BARX2: variants seen among roughly 807,000 people sequenced by gnomAD.
The protein encoded by BARX2 is BARX homeobox 2.
In BARX2, 11 loss-of-function variants were observed where a neutral mutation model predicts 25.5. The ratio of observed to expected loss-of-function variants is 0.43; its 90% CI spans 0.27 to 0.71. BARX2 has a LOEUF of 0.71. Among genes scored for constraint, BARX2 ranks in the 30% least tolerant of loss-of-function variants. The pLI is 0.19. For missense variants in BARX2, 360 were observed against 359.9 expected (o/e 1.00, Z 0.00); for synonymous variants, 137 against 149.5 (o/e 0.92, Z 0.61).
At chr11:129,382,911 C>T (rs563883925) in intron 1 of BARX2, among the ~76,000 whole-genome samples, 3 of 152,320 alleles carry the variant, frequency 2.0e-5, no homozygotes, top group East Asian at 1.9e-4. Flanking sequence ...TGAGGGCATT[C>T]GTGCAAAGAC....
In BARX2 at chr11:129,436,233, G is replaced by A. The variant is rs1862187114; in HGVS notation, c.188-518G>A. ...TTACTCCCTCTGAGATGAGAAAGTT[G>A]AATTAAATAATCCGAAAGCATCCTG... On this transcript the variant is annotated intron_variant, in intron 1 of 3. Coordinates refer to ENST00000281437, the MANE Select transcript of BARX2 (RefSeq NM_003658.5). The surrounding 1 kb of genome is among the most constrained non-coding windows in gnomAD (Gnocchi z 4.5). 1 of 152,986 alleles carries A rather than the reference G, an allele frequency of 6.5e-6. No homozygotes were observed. 9.5% of individuals were successfully genotyped at this position (152,986 alleles called of 1,614,324 possible).
At chr11:129,400,996 G>C (rs79592804) in intron 1 of BARX2, among the ~76,000 whole-genome samples, 2,516 of 152,302 alleles carry the variant, frequency 0.017, 67 homozygotes, top group African/African-American at 0.058. Flanking sequence ...GGTCAGAGCC[G>C]TGCTCCTTAA....
intron 1 of BARX2, among the ~76,000 whole-genome samples, chr11:129,419,992 G>T (rs1861986302): frequency 6.6e-6 from 1 of 151,958 alleles, no homozygotes; most frequent in African/African-American, 2.4e-5. Flanking sequence ...TGTTGGCCAG[G>T]TTGTTCTCTA....
intron 1 of BARX2, among the ~76,000 whole-genome samples, chr11:129,424,184 T>C (rs566044714): frequency 2.6e-5 from 4 of 152,360 alleles, no homozygotes; most frequent in Admixed American, 1.3e-4. Flanking sequence ...TCTTGGGAGA[T>C]GAATTCTGCT....
intron 1 of BARX2, among the ~76,000 whole-genome samples, chr11:129,393,672 T>G (rs1023009876): frequency 6.6e-6 from 1 of 152,160 alleles, no homozygotes; most frequent in Admixed American, 6.5e-5. Flanking sequence ...TGGCTATGAT[T>G]TAAATGAATT....
chr11:129,434,456 G>A (rs1035910102), intron 1 of BARX2, among the ~76,000 whole-genome samples: 3 of 135,300 alleles, frequency 2.2e-5, no homozygotes, highest in South Asian at 4.7e-4. Context: ...ACAGAGACAC[G>A]GTCTCACTCT....
chr11:129,431,051 A>G (rs2135408743), intron 1 of BARX2, among the ~76,000 whole-genome samples: 1 of 152,192 alleles, frequency 6.6e-6, no homozygotes, highest in South Asian at 2.1e-4. Flanking sequence ...TAGTAGAGAC[A>G]GGGTTTCGCC....
Position 129,411,940 on chromosome 11 carries a change from A to C in BARX2, c.188-24811A>C, listed in dbSNP as rs1426748952. Among the ~76,000 whole-genome samples, 3 of 152,346 alleles carry C rather than the reference A, an allele frequency of 2.0e-5. No homozygotes were observed. In the East Asian group the frequency reaches 5.8e-4, roughly 29 times the overall value. On this transcript the variant is annotated intron_variant, in intron 1 of 3. Transcript: ENST00000281437. ...GGTTGGAGCTTGAAATTTAACATGC[A>C]AAATTTAAGCAACATATAAAGTGTT...
At chr11:129,379,788 T>C (rs1469987767) in intron 1 of BARX2, among the ~76,000 whole-genome samples, 5 of 115,748 alleles carry the variant, frequency 4.3e-5, no homozygotes, top group Non-Finnish European at 9.8e-5. Flanking sequence ...CTAATTACTT[T>C]TATTACAATT....
intron 1 of BARX2, among the ~76,000 whole-genome samples, chr11:129,424,863 G>T (rs1862046210): frequency 6.6e-6 from 1 of 152,174 alleles, no homozygotes; most frequent in African/African-American, 2.4e-5. Flanking sequence ...CAGAGGGATG[G>T]ATGAGGTTAG....
chr11:129,443,344 A>G (rs12420833), intron 3 of BARX2, among the ~76,000 whole-genome samples: 2,361 of 152,124 alleles, frequency 0.016, 27 homozygotes, highest in Non-Finnish European at 0.022. Flanking sequence ...GCCTTTTCAA[A>G]CAACTTCCTT....
At chr11:129,387,173 T>C (rs926513134) in intron 1 of BARX2, among the ~76,000 whole-genome samples, 1 of 152,222 alleles carries the variant, frequency 6.6e-6, no homozygotes, top group Non-Finnish European at 1.5e-5. Flanking sequence ...CCTTACTCTT[T>C]CGACCTCCTG....
intron 1 of BARX2, among the ~76,000 whole-genome samples, chr11:129,388,785 A>G (rs1180935086): frequency 6.6e-6 from 1 of 152,186 alleles, no homozygotes; most frequent in Non-Finnish European, 1.5e-5. Context: ...CAGCTTAAAT[A>G]TGAGATTGAT....
chr11:129,448,016 G>A (rs538400232), intron 3 of BARX2, among the ~76,000 whole-genome samples: 1 of 152,168 alleles, frequency 6.6e-6, no homozygotes, highest in Non-Finnish European at 1.5e-5. Context: ...TCTCTACCTC[G>A]TTAAAGGTCC....
chr11:129,388,811 C>T (rs1159690889), intron 1 of BARX2, among the ~76,000 whole-genome samples: 2 of 152,318 alleles, frequency 1.3e-5, no homozygotes, highest in African/African-American at 4.8e-5. Context: ...TTGCACCCCA[C>T]GACTCAAATG....
intron 1 of BARX2, among the ~76,000 whole-genome samples, chr11:129,381,797 GA>G (rs1201343504): frequency 6.6e-6 from 1 of 151,936 alleles, no homozygotes; most frequent in African/African-American, 2.4e-5. Context: ...AGATTGAAAG[GA>G]AAAAAAAGAA....
At chr11:129,451,063 G>A in intron 3 of BARX2, 73 bp from the exon 4 acceptor site, 4 of 1,553,020 alleles carry the variant, frequency 2.6e-6, no homozygotes, top group Non-Finnish European at 3.5e-6. Context: ...GCAACGTGAG[G>A]TTATACTGGG....
intron 1 of BARX2, among the ~76,000 whole-genome samples, chr11:129,420,285 A>T (rs11221707): frequency 0.019 from 2,903 of 152,284 alleles, 115 homozygotes; most frequent in East Asian, 0.16. Context: ...GGATACACTC[A>T]AGCTCTCCCA....
chr11:129,446,985 G>A (rs540624465), intron 3 of BARX2, among the ~76,000 whole-genome samples: 2 of 152,252 alleles, frequency 1.3e-5, no homozygotes, highest in South Asian at 4.1e-4. Context: ...CTGGGAGGTT[G>A]GGTAATTGCA....
Sources: gnomAD v4.1 joint callset for allele counts (sites outside exome capture counted in the v4.1 genomes callset) on GRCh38, gnomAD v4.1.1 for gene constraint, Gnocchi (gnomAD v3.1) non-coding constraint, MANE v1.5 for transcripts, NCBI Gene and HGNC (gene_info 2026-07-23, HGNC 2026-07-21) for gene names.